RASSF5: variants seen among roughly 807,000 people sequenced by gnomAD.
RASSF5 encodes ras association domain-containing protein 5.
A neutral mutation model predicts 40.5 loss-of-function variants in RASSF5; 25 were observed. That is an observed-to-expected ratio of 0.62 (90% confidence interval 0.45 to 0.86). The LOEUF (loss-of-function observed/expected upper bound fraction) is 0.86. RASSF5 is among the 40% of genes least tolerant of loss of function. RASSF5 has a pLI of 0.00. For synonymous variants in RASSF5, 246 were observed against 252.4 expected, an observed-to-expected ratio of 0.97 and a Z score of 0.24; for missense variants, 521 against 572.8, an observed-to-expected ratio of 0.91 and a Z score of 0.92.
At position 206,584,806 on chromosome 1, in the gene RASSF5, G is replaced by C; in HGVS notation, c.988+122G>C. Reference sequence around the variant, plus strand: ...GCTTCTCCTGAGCACCAGGGGTCCAGCTGCCCATGTGGTGTTCAGATCTGT... The same window carrying C: ...GCTTCTCCTGAGCACCAGGGGTCCACCTGCCCATGTGGTGTTCAGATCTGT... On this transcript the variant is annotated intron_variant, in intron 4 of 5. Coordinates refer to ENST00000579436, the MANE Select transcript of RASSF5 (RefSeq NM_182663.4). This position sits in a 1 kb window ranked among gnomAD's most constrained non-coding sequence, Gnocchi z 4.9. 1 of 1,032,766 alleles carries C rather than the reference G, an allele frequency of 9.7e-7. No homozygotes were observed. Among genetic ancestry groups the C allele is most frequent in the Non-Finnish European group, 1.4e-6 (1 of 698,444 alleles). 64.0% of individuals were successfully genotyped at this position (1,032,766 alleles called of 1,614,324 possible). A position where few individuals can be genotyped will look rare whatever the true frequency, so the allele number is the denominator to read the frequency against.
Position 206,584,823 on chromosome 1 carries a change from C to G in RASSF5, c.988+139C>G. ...GGGGTCCAGCTGCCCATGTGGTGTT[C>G]AGATCTGTGGAATCCGGGCAGGGAG... On this transcript the variant is annotated intron_variant, in intron 4 of 5. Transcript: ENST00000579436. This position sits in a 1 kb window ranked among gnomAD's most constrained non-coding sequence, Gnocchi z 4.9. The G allele has an allele frequency of 1.1e-6, 1 of 895,532 alleles. No individual in the cohort carries two copies. The highest frequency in any genetic ancestry group is 1.7e-6 in the Non-Finnish European group (1 of 588,112). The allele number at this position is 895,532 out of a possible 1,614,324, so 55.5% of individuals were successfully genotyped here.
At chr1:206,523,328 A>G (rs568681947) in intron 1 of RASSF5, among the ~76,000 whole-genome samples, 1 of 134,180 alleles carries the variant, frequency 7.5e-6, no homozygotes, top group African/African-American at 2.8e-5. Context: ...ATATACATAT[A>G]AAATATATTT....
chr1:206,569,560 C>T (rs1668383685), intron 2 of RASSF5, among the ~76,000 whole-genome samples: 1 of 152,242 alleles, frequency 6.6e-6, no homozygotes, highest in South Asian at 2.1e-4. Context: ...CAAAGGACAG[C>T]TTTGCAGGGC....
chr1:206,577,332 A>C (rs1051857455), intron 2 of RASSF5, among the ~76,000 whole-genome samples: 3 of 152,184 alleles, frequency 2.0e-5, no homozygotes, highest in African/African-American at 7.2e-5. Flanking sequence ...GGAAAATGAA[A>C]ACTGAAATTG....
intron 1 of RASSF5, among the ~76,000 whole-genome samples, 157 bp from the exon 2 acceptor site, chr1:206,538,015 C>T (rs1667461542): frequency 6.6e-6 from 1 of 152,234 alleles, no homozygotes; most frequent in Non-Finnish European, 1.5e-5. Flanking sequence ...GATCCGAGAG[C>T]AGGGTGGCAT....
At position 206,535,719 on chromosome 1, in the gene RASSF5, T is replaced by TG. The variant is rs1364080895; in HGVS notation, c.458-2452dup. Among the ~76,000 whole-genome samples the TG allele has an allele frequency of 0.32, 31,135 of 97,048 alleles. 4,026 individuals are homozygous for TG. Among genetic ancestry groups the TG allele is most frequent in the Non-Finnish European group, 0.4 (18,536 of 46,640 alleles). 63.7% of individuals were successfully genotyped at this position (97,048 alleles called of 152,430 possible). On this transcript the variant is annotated intron_variant, in intron 1 of 5. Transcript: ENST00000579436. This position sits in a 1 kb window ranked among gnomAD's most constrained non-coding sequence, Gnocchi z 5.0. ...TGTGTGTGTCTGTGTGTGTGTGGTG[T>TG]GTGTGTGTGTGTGTGTGTGTGTGTG...
At chr1:206,523,716 A>T (rs1572298270) in intron 1 of RASSF5, among the ~76,000 whole-genome samples, 1 of 53,736 alleles carries the variant, frequency 1.9e-5, no homozygotes, top group Admixed American at 3.6e-4. Flanking sequence ...TATATTATAC[A>T]ATATATTTAT....
rs782797227 is a variant in RASSF5, at chr1:206,583,348, C to T, written c.659C>T (p.Thr220Met). 3.3e-5 allele frequency: 53 copies of T among 1,613,690 alleles called. No individual in the cohort carries two copies. Among genetic ancestry groups the T allele is most frequent in the South Asian group, 2.3e-4 (21 of 91,082 alleles). The change falls in exon 3 of 6, where the codon ACG becomes ATG. Residue 220 changes from threonine (T) to methionine (M), a missense_variant. By Grantham distance (81) the Thr-to-Met change is moderately conservative. Around this residue, in one of 2 missense-constraint regions of RASSF5, gnomAD observed 284 missense variants for 360.8 expected, o/e 0.79. Coordinates refer to ENST00000579436, the MANE Select transcript of RASSF5 (RefSeq NM_182663.4). ...AAGCAGAAGATCGACAGCTACAACA[C>T]GCGAGAGAAGAACTGCCTGGGCATG... The part of the protein sequence containing the change: ...EIKQKIDSYN[T>M]REKNCLGMKL...
chr1:206,539,599 A>C (rs896665229), intron 2 of RASSF5, among the ~76,000 whole-genome samples: 2 of 152,226 alleles, frequency 1.3e-5, no homozygotes, highest in Non-Finnish European at 2.9e-5. Context: ...GTATATTTTA[A>C]AACTCTGCAC....
intron 2 of RASSF5, among the ~76,000 whole-genome samples, chr1:206,547,335 C>T (rs974593003): frequency 6.6e-6 from 1 of 151,952 alleles, no homozygotes; most frequent in South Asian, 2.1e-4. Context: ...TCTGTATTTA[C>T]AGCCACTCCC....
chr1:206,557,451 G>T lies in RASSF5; in HGVS notation c.579+19158G>T. On this transcript the variant is annotated intron_variant, in intron 2 of 5. Coordinates refer to ENST00000579436, the MANE Select transcript of RASSF5 (RefSeq NM_182663.4). ...CCGCTACCCGACCAGCTCCCGGCTCGGGGCTCAGAGCTAGGGGCTTACGCC... is the reference window on the plus strand; with the variant it reads ...CCGCTACCCGACCAGCTCCCGGCTCTGGGCTCAGAGCTAGGGGCTTACGCC... 7 of 1,445,834 alleles carry T rather than the reference G, an allele frequency of 4.8e-6. No individual in the cohort carries two copies. In the South Asian group the frequency reaches 7.2e-5, roughly 15 times the overall value. 89.6% of individuals were successfully genotyped at this position (1,445,834 alleles called of 1,614,324 possible).
intron 1 of RASSF5, among the ~76,000 whole-genome samples, chr1:206,522,005 C>G (rs188345422): frequency 3.3e-5 from 5 of 152,352 alleles, no homozygotes; most frequent in Admixed American, 3.3e-4. Flanking sequence ...TTCCCTTAAA[C>G]CCAACTGCCT....
In RASSF5 at chr1:206,507,745, C is replaced by A. The variant is rs941467957; in HGVS notation, c.143C>A (p.Ala48Glu). ...PDRSSRLCVP[A>E]PLSTAPGARE... The stretch of plus-strand genomic sequence containing the variant: ...CGGTCCTCGCGCCTCTGTGTCCCGG[C>A]GCCCCTCTCCACTGCGCCCGGGGCG... Residue 48 changes from alanine (A) to glutamate (E), a missense_variant, in exon 1 of 6, where the codon GCG becomes GAG. Ala to Glu is a moderately radical substitution (Grantham distance 107). This residue lies in a region of RASSF5 where 237 missense variants were observed against 212.0 expected (regional missense o/e 1.12). Coordinates refer to ENST00000579436, the MANE Select transcript of RASSF5 (RefSeq NM_182663.4). The A allele has an allele frequency of 6.8e-7, 1 of 1,467,240 alleles. No homozygotes were observed. 90.9% of individuals were successfully genotyped at this position (1,467,240 alleles called of 1,614,324 possible). A position where few individuals can be genotyped will look rare whatever the true frequency, so the allele number is the denominator to read the frequency against.
At chr1:206,578,477 C>T (rs17012144) in intron 2 of RASSF5, among the ~76,000 whole-genome samples, 5,462 of 152,210 alleles carry the variant, frequency 0.036, 319 homozygotes, top group African/African-American at 0.12. Flanking sequence ...TCATCGTCAT[C>T]ATTCAGGGCT....
chr1:206,546,593 A>G (rs1479868425), intron 2 of RASSF5, among the ~76,000 whole-genome samples: 3 of 152,168 alleles, frequency 2.0e-5, no homozygotes, highest in Non-Finnish European at 4.4e-5. Flanking sequence ...CAGTATATAA[A>G]TGGTCCTTAA....
chr1:206,509,265 G>A (rs576397747), intron 1 of RASSF5, among the ~76,000 whole-genome samples: 3 of 152,330 alleles, frequency 2.0e-5, no homozygotes, highest in African/African-American at 7.2e-5. Context: ...GTCTGCAGCG[G>A]AGGCTGTTCA....
chr1:206,576,393 C>A (rs1668661321), intron 2 of RASSF5, among the ~76,000 whole-genome samples: 1 of 152,358 alleles, frequency 6.6e-6, no homozygotes, highest in South Asian at 2.1e-4. Context: ...ATCCCTACCC[C>A]AGCCAGCTTT....
intron 2 of RASSF5, among the ~76,000 whole-genome samples, chr1:206,548,897 G>A (rs1364762222): frequency 2.0e-5 from 3 of 151,872 alleles, no homozygotes; most frequent in East Asian, 1.9e-4. Flanking sequence ...ACAGAGTCTC[G>A]CTCTGTTGCC....
At chr1:206,547,279 G>T (rs1667720460) in intron 2 of RASSF5, among the ~76,000 whole-genome samples, 1 of 152,190 alleles carries the variant, frequency 6.6e-6, no homozygotes, top group South Asian at 2.1e-4. Flanking sequence ...TTAGGAATCA[G>T]GTTGCATAGC....
Sources: allele counts gnomAD v4.1 joint callset (sites outside exome capture counted in the v4.1 genomes callset), GRCh38; gene constraint gnomAD v4.1.1; regional missense constraint gnomAD v4.1.1; non-coding constraint Gnocchi (gnomAD v3.1); transcripts MANE v1.5; gene names NCBI Gene and HGNC (gene_info 2026-07-23, HGNC 2026-07-21).